The following ETV2 variants were observed in gnomAD, a reference collection of about 807,000 sequenced individuals.
The protein encoded by ETV2 is ETS variant transcription factor 2, also known as ETS translocation variant 2.
In ETV2, 34 loss-of-function variants were observed where a neutral mutation model predicts 35.7. That is an observed-to-expected ratio of 0.95 (90% CI 0.72 to 1.27). The LOEUF is 1.27. ETV2 is among the 50% of genes most tolerant of loss of function. The pLI is 0.00. For synonymous variants in ETV2, 207 were observed against 203.9 expected, an observed-to-expected ratio of 1.02 and a Z score of -0.13; for missense variants, 512 against 470.5, an observed-to-expected ratio of 1.09 and a Z score of -0.82.
chr19:35,643,111 A>G lies in ETV2; in HGVS notation c.235+66A>G, dbSNP rs1967651567. 1 of 1,371,204 alleles carries G rather than the reference A, an allele frequency of 7.3e-7. No individual in the cohort carries two copies. 84.9% of individuals were successfully genotyped at this position (1,371,204 alleles called of 1,614,324 possible). On this transcript the variant is annotated intron_variant, in intron 4 of 6. Transcript: ENST00000402764. The surrounding 1 kb of genome is among the most constrained non-coding windows in gnomAD (Gnocchi z 5.0). ...CCCGAGGCACCGGGGCTAGAGGTGT[A>G]GACTCCCTGATCTTTGAGGACTGAG...
rs1381281587 is a variant in ETV2, at chr19:35,643,097, G to C, written c.235+52G>C. 11 of 1,391,868 alleles carry C rather than the reference G, an allele frequency of 7.9e-6. No individual in the cohort carries two copies. Among genetic ancestry groups the C allele is most frequent in the Non-Finnish European group, 9.9e-6 (10 of 1,011,802 alleles). 86.2% of individuals were successfully genotyped at this position (1,391,868 alleles called of 1,614,324 possible). On this transcript the variant is annotated intron_variant, in intron 4 of 6. Transcript: ENST00000402764. This position sits in a 1 kb window ranked among gnomAD's most constrained non-coding sequence, Gnocchi z 5.0. ...GTGGGGACTGGGGTCCCGAGGCACC[G>C]GGGCTAGAGGTGTAGACTCCCTGAT...
In ETV2 at chr19:35,643,754, G is replaced by A. The variant is rs1245865076; in HGVS notation, c.715+1G>A. The stretch of plus-strand genomic sequence containing the variant: ...CGATGCCCCAAAACTAACCACCGAG[G>A]TGAGAGGGCCGCAAAGACTGCGGGG... On this transcript the variant is annotated splice_donor_variant, in intron 5 of 6. Transcript: ENST00000402764. LOFTEE classifies it high-confidence loss of function. This position sits in a 1 kb window ranked among gnomAD's most constrained non-coding sequence, Gnocchi z 5.0. The A allele has an allele frequency of 6.2e-7, 1 of 1,613,522 alleles. No individual in the cohort carries two copies.
chr19:35,642,810 G>C lies in ETV2; in HGVS notation c.154+112G>C. 1 of 1,028,032 alleles carries C rather than the reference G, an allele frequency of 9.7e-7. No individual in the cohort carries two copies. Among genetic ancestry groups the C allele is most frequent in the Non-Finnish European group, 1.5e-6 (1 of 678,296 alleles). The allele number at this position is 1,028,032 out of a possible 1,614,324, so 63.7% of individuals were successfully genotyped here. On this transcript the variant is annotated intron_variant, in intron 3 of 6. Coordinates refer to ENST00000402764, the MANE Select transcript of ETV2 (RefSeq NM_014209.4). This position sits in a 1 kb window ranked among gnomAD's most constrained non-coding sequence, Gnocchi z 4.4. The stretch of plus-strand genomic sequence containing the variant: ...GGTTCCTGGGACTGGGTGGGGAGGG[G>C]CCGCGTGCTTGACCCCTGAGGGTGA...
In ETV2 at chr19:35,643,216, T is replaced by C; in HGVS notation, c.236-58T>C. ...GTGCCAGGGTTGAGAGCTTAGACCC[T>C]AGAGTTTTTGAGGGGGCACCTGGGC... On this transcript the variant is annotated intron_variant, in intron 4 of 6. Coordinates refer to ENST00000402764, the MANE Select transcript of ETV2 (RefSeq NM_014209.4). The surrounding 1 kb of genome is among the most constrained non-coding windows in gnomAD (Gnocchi z 5.0). 5.2e-6 allele frequency: 8 copies of C among 1,545,388 alleles called. No homozygotes were observed. The South Asian group carries it at 9.5e-5, about 18-fold the overall frequency.
rs1414280576 is a variant in ETV2 at position 35,644,228 on chromosome 19, C to T, written c.716-7C>T. 3.2e-6 allele frequency: 5 copies of T among 1,541,660 alleles called. No homozygotes were observed. Among genetic ancestry groups the T allele is most frequent in the Admixed American group, 1.9e-5 (1 of 51,876 alleles). On this transcript the variant is annotated splice_region_variant and splice_polypyrimidine_tract_variant and intron_variant, in intron 5 of 6. Coordinates refer to ENST00000402764, the MANE Select transcript of ETV2 (RefSeq NM_014209.4). This position sits in a 1 kb window ranked among gnomAD's most constrained non-coding sequence, Gnocchi z 4.7. ...AGACTGAGTGTGCCCCTCCCTTCAT[C>T]CCGCAGGTCCCATTCAGCTGTGGCA...
chr19:35,642,581 G>A lies in ETV2; in HGVS notation c.71-34G>A, dbSNP rs758318882. The A allele has an allele frequency of 6.8e-6, 11 of 1,612,828 alleles. No individual in the cohort carries two copies. The highest frequency in any genetic ancestry group is 5.5e-5 in the South Asian group (5 of 90,886). ...TGTGTGGGGAGGGTGTCCAGGTGGG[G>A]CCTCTGCTGACCCTAACCCCTTATC... On this transcript the variant is annotated intron_variant, in intron 2 of 6. Coordinates refer to ENST00000402764, the MANE Select transcript of ETV2 (RefSeq NM_014209.4). This position sits in a 1 kb window ranked among gnomAD's most constrained non-coding sequence, Gnocchi z 4.4.
Position 35,642,663 on chromosome 19 carries a change from A to G in ETV2, c.119A>G (p.Asp40Gly). ...FCFPDLALQG[D>G]TPTATAETCW... Reference sequence around the variant, plus strand: ...TTCCCTGATCTGGCACTCCAAGGGGACACGCCGACAGCGACAGCAGAGACA... The same window carrying G: ...TTCCCTGATCTGGCACTCCAAGGGGGCACGCCGACAGCGACAGCAGAGACA... The change falls in exon 3 of 7, where the codon GAC becomes GGC. Residue 40 changes from aspartate (D) to glycine (G), a missense_variant. Coordinates refer to ENST00000402764, the MANE Select transcript of ETV2 (RefSeq NM_014209.4). The surrounding 1 kb of genome is among the most constrained non-coding windows in gnomAD (Gnocchi z 4.4). 6 of 1,605,290 alleles carry G rather than the reference A, an allele frequency of 3.7e-6. No homozygotes were observed. In the Admixed American group the frequency reaches 8.6e-5, roughly 23 times the overall value.
rs748070873 is a variant in ETV2 at position 35,644,537 on chromosome 19, G to C, written c.829-115G>C. 5.6e-6 allele frequency: 6 copies of C among 1,069,524 alleles called. No homozygotes were observed. The highest frequency in any genetic ancestry group is 2.6e-5 in the East Asian group (1 of 38,502). The allele number at this position is 1,069,524 out of a possible 1,614,324, so 66.3% of individuals were successfully genotyped here. On this transcript the variant is annotated intron_variant, in intron 6 of 6. Transcript: ENST00000402764. The surrounding 1 kb of genome is among the most constrained non-coding windows in gnomAD (Gnocchi z 4.7). ...TGCCTCAACCAACCCAGTCTCCACCGGGCTCTGCGAGGCCTCGCCCAGGTC... is the reference window on the plus strand; with the variant it reads ...TGCCTCAACCAACCCAGTCTCCACCCGGCTCTGCGAGGCCTCGCCCAGGTC...
Position 35,644,628 on chromosome 19 carries a change from C to G in ETV2, c.829-24C>G, listed in dbSNP as rs567211038. ...CGCCAAGCCCCGCCCCTTCCCACTC[C>G]GACCGAGCGGGCCTCTGTCCTAGGT... On this transcript the variant is annotated intron_variant, in intron 6 of 6. Coordinates refer to ENST00000402764, the MANE Select transcript of ETV2 (RefSeq NM_014209.4). This position sits in a 1 kb window ranked among gnomAD's most constrained non-coding sequence, Gnocchi z 4.7. The G allele has an allele frequency of 1.3e-6, 2 of 1,596,010 alleles. No homozygotes were observed. Among genetic ancestry groups the G allele is most frequent in the East Asian group, 4.5e-5 (2 of 44,498 alleles).
chr19:35,644,666 G>C lies in ETV2; in HGVS notation c.843G>C (p.Trp281Cys). The C allele has an allele frequency of 6.2e-6, 10 of 1,605,574 alleles. No homozygotes were observed. The highest frequency in any genetic ancestry group is 1.3e-5 in the African/African-American group (1 of 74,930). ...LCDPKEVARLWGERKRKPGMN... is the reference protein window; with the variant it reads ...LCDPKEVARLCGERKRKPGMN... ...CTCTGTCCTAGGTGGCTCGGCTGTGGGGCGAGCGCAAGAGAAAGCCGGGCA... is the reference window on the plus strand; with the variant it reads ...CTCTGTCCTAGGTGGCTCGGCTGTGCGGCGAGCGCAAGAGAAAGCCGGGCA... Residue 281 changes from tryptophan to cysteine, a missense_variant, in exon 7 of 7, where the codon TGG (tryptophan) becomes TGC (cysteine). Transcript: ENST00000402764. The surrounding 1 kb of genome is among the most constrained non-coding windows in gnomAD (Gnocchi z 4.7).
rs1476739349 is a variant in ETV2 at position 35,642,598 on chromosome 19, C to T, written c.71-17C>T. On this transcript the variant is annotated splice_polypyrimidine_tract_variant and intron_variant, in intron 2 of 6. Coordinates refer to ENST00000402764, the MANE Select transcript of ETV2 (RefSeq NM_014209.4). The surrounding 1 kb of genome is among the most constrained non-coding windows in gnomAD (Gnocchi z 4.4). ...CAGGTGGGGCCTCTGCTGACCCTAA[C>T]CCCTTATCGCCTGCAGAAGGAGCCA... 1.2e-6 allele frequency: 2 copies of T among 1,611,614 alleles called. No homozygotes were observed. The highest frequency in any genetic ancestry group is 1.1e-5 in the South Asian group (1 of 90,706).
rs576681865 is a variant in ETV2 at position 35,644,113 on chromosome 19, G to T, written c.716-122G>T. 4 of 730,002 alleles carry T rather than the reference G, an allele frequency of 5.5e-6. No homozygotes were observed. Among genetic ancestry groups the T allele is most frequent in the Non-Finnish European group, 9.7e-6 (4 of 412,754 alleles). 45.2% of individuals were successfully genotyped at this position (730,002 alleles called of 1,614,324 possible). ...GGCTGACTGTTGGATCTCAGAGAAG[G>T]GGGGGCGGATCCCCTTCTCGGGTCC... On this transcript the variant is annotated intron_variant, in intron 5 of 6. Coordinates refer to ENST00000402764, the MANE Select transcript of ETV2 (RefSeq NM_014209.4). The surrounding 1 kb of genome is among the most constrained non-coding windows in gnomAD (Gnocchi z 4.7).
Position 35,644,784 on chromosome 19 carries a change from G to C in ETV2, c.961G>C (p.Gly321Arg). 6.2e-7 allele frequency: 1 copy of C among 1,611,962 alleles called. No homozygotes were observed. Among genetic ancestry groups the C allele is most frequent in the Non-Finnish European group, 8.5e-7 (1 of 1,179,228 alleles). Reference protein sequence around the residue: ...SGGRKYTYRFGGRVPSLAYPD... With the variant: ...SGGRKYTYRFRGRVPSLAYPD... ...GGGGCGAAAGTACACGTACCGCTTC[G>C]GGGGCCGCGTGCCCAGCCTAGCCTA... Residue 321 changes from glycine to arginine, a missense_variant, in exon 7 of 7, where the codon GGG (glycine) becomes CGG (arginine). Physicochemically the swap from Gly to Arg is moderately radical, Grantham distance 125. Transcript: ENST00000402764. This position sits in a 1 kb window ranked among gnomAD's most constrained non-coding sequence, Gnocchi z 4.7.
At position 35,642,262 on chromosome 19, in the gene ETV2, G is replaced by C; in HGVS notation, c.-28+106G>C. 1 of 532,012 alleles carries C rather than the reference G, an allele frequency of 1.9e-6. No homozygotes were observed. Among genetic ancestry groups the C allele is most frequent in the East Asian group, 3.3e-5 (1 of 30,294 alleles). The allele number at this position is 532,012 out of a possible 1,614,324, so 33.0% of individuals were successfully genotyped here. On this transcript the variant is annotated intron_variant, in intron 1 of 6. Coordinates refer to ENST00000402764, the MANE Select transcript of ETV2 (RefSeq NM_014209.4). The surrounding 1 kb of genome is among the most constrained non-coding windows in gnomAD (Gnocchi z 4.4). The stretch of plus-strand genomic sequence containing the variant: ...GGCCTGGACTCCTGGGTCTAACAGA[G>C]GAAGAGAGCTGGGGTCCCTCACTCC...
rs1344310467 is a variant in ETV2, at chr19:35,644,419, A to G, written c.828+72A>G. On this transcript the variant is annotated intron_variant, in intron 6 of 6. Transcript: ENST00000402764. The surrounding 1 kb of genome is among the most constrained non-coding windows in gnomAD (Gnocchi z 4.7). ...TTCAATTTAGCTCCGCCCAAGGGCT[A>G]GGTTCAACCGCGTAGCCCTCGGCCC... 1.8e-6 allele frequency: 2 copies of G among 1,118,034 alleles called. No homozygotes were observed. The highest frequency in any genetic ancestry group is 4.1e-5 in the Admixed American group (2 of 49,140). The allele number at this position is 1,118,034 out of a possible 1,614,324, so 69.3% of individuals were successfully genotyped here.
Position 35,642,790 on chromosome 19 carries a change from C to T in ETV2, c.154+92C>T, listed in dbSNP as rs1967637147. ...GGAGGAGGGGGGCGTGCCTAGGTTC[C>T]TGGGACTGGGTGGGGAGGGGCCGCG... On this transcript the variant is annotated intron_variant, in intron 3 of 6. Coordinates refer to ENST00000402764, the MANE Select transcript of ETV2 (RefSeq NM_014209.4). The surrounding 1 kb of genome is among the most constrained non-coding windows in gnomAD (Gnocchi z 4.4). The T allele has an allele frequency of 9.2e-7, 1 of 1,091,000 alleles. No homozygotes were observed. The highest frequency in any genetic ancestry group is 2.2e-5 in the Admixed American group (1 of 46,248). The allele number at this position is 1,091,000 out of a possible 1,614,324, so 67.6% of individuals were successfully genotyped here.
Position 35,643,768 on chromosome 19 carries a change from A to G in ETV2, c.715+15A>G. 3 of 1,613,072 alleles carry G rather than the reference A, an allele frequency of 1.9e-6. No individual in the cohort carries two copies. Among genetic ancestry groups the G allele is most frequent in the Non-Finnish European group, 2.5e-6 (3 of 1,179,724 alleles). On this transcript the variant is annotated intron_variant, in intron 5 of 6. Transcript: ENST00000402764. This position sits in a 1 kb window ranked among gnomAD's most constrained non-coding sequence, Gnocchi z 5.0. ...TAACCACCGAGGTGAGAGGGCCGCA[A>G]AGACTGCGGGGAGGGCGAAGCTGGA...
rs1391058870 is a variant in ETV2 at position 35,644,660 on chromosome 19, G to T, written c.837G>T (p.Arg279=). ...FQLCDPKEVA[R]LWGERKRKPG... The stretch of plus-strand genomic sequence containing the variant: ...GCGGGCCTCTGTCCTAGGTGGCTCG[G>T]CTGTGGGGCGAGCGCAAGAGAAAGC... Residue 279 remains arginine, a synonymous_variant, in exon 7 of 7, where the codon CGG becomes CGT. Coordinates refer to ENST00000402764, the MANE Select transcript of ETV2 (RefSeq NM_014209.4). The surrounding 1 kb of genome is among the most constrained non-coding windows in gnomAD (Gnocchi z 4.7). The T allele has an allele frequency of 6.2e-7, 1 of 1,605,542 alleles. No homozygotes were observed. The highest frequency in any genetic ancestry group is 8.5e-7 in the Non-Finnish European group (1 of 1,175,028).
rs1172166663 is a variant in ETV2 at position 35,643,849 on chromosome 19, AG to A, written c.715+101del. 47 of 1,516,962 alleles carry A rather than the reference AG, an allele frequency of 3.1e-5. 1 individual carries two copies. Among genetic ancestry groups the A allele is most frequent in the Non-Finnish European group, 3.8e-5 (42 of 1,118,594 alleles). 94.0% of individuals were successfully genotyped at this position (1,516,962 alleles called of 1,614,324 possible). On this transcript the variant is annotated intron_variant, in intron 5 of 6. Coordinates refer to ENST00000402764, the MANE Select transcript of ETV2 (RefSeq NM_014209.4). This position sits in a 1 kb window ranked among gnomAD's most constrained non-coding sequence, Gnocchi z 5.0. ...GGCGGGGCCCGGGAGACTGACAGTG[AG>A]GGGGCGGGGGCTTAGGGACCAGGGG...
Sources: gnomAD v4.1 joint callset for allele counts on GRCh38, gnomAD v4.1.1 for gene constraint, Gnocchi (gnomAD v3.1) non-coding constraint, MANE v1.5 for transcripts, NCBI Gene and HGNC (gene_info 2026-07-23, HGNC 2026-07-21) for gene names.